MYO18B: variants seen among roughly 807,000 people sequenced by gnomAD.
The protein encoded by MYO18B is unconventional myosin-XVIIIb.
In MYO18B, 204 loss-of-function variants were observed where a neutral mutation model predicts 273.0. That is an observed-to-expected ratio of 0.75 (90% CI 0.67 to 0.84). The LOEUF is 0.84. MYO18B is among the 40% of genes least tolerant of loss of function. The pLI is 0.00. For missense variants in MYO18B, 3,212 were observed against 3,287.6 expected (o/e 0.98, Z 0.56); for synonymous variants, 1,330 against 1,305.7 (o/e 1.02, Z -0.40).
intron 17 of MYO18B, among the ~76,000 whole-genome samples, chr22:25,836,454 A>G (rs1434794140): frequency 6.6e-6 from 1 of 152,150 alleles, no homozygotes; most frequent in East Asian, 1.9e-4. Context: ...GGAGTGTTGC[A>G]TGTACTGCAC....
At chr22:25,880,999 C>T (rs1007181447) in intron 25 of MYO18B, among the ~76,000 whole-genome samples, 3 of 152,212 alleles carry the variant, frequency 2.0e-5, no homozygotes, top group Admixed American at 1.3e-4. Flanking sequence ...CACCCGAGAG[C>T]ACCTGGTGTT....
At chr22:25,986,156 C>T (rs896996923) in intron 39 of MYO18B, among the ~76,000 whole-genome samples, 2 of 152,180 alleles carry the variant, frequency 1.3e-5, no homozygotes, top group African/African-American at 4.8e-5. Context: ...AGCTCTAGAT[C>T]TTTTCTTGGT....
chr22:25,876,471 TC>T, intron 24 of MYO18B, 139 bp downstream of exon 24: 3 of 883,230 alleles, frequency 3.4e-6, no homozygotes, highest in Non-Finnish European at 4.9e-6. Context: ...TGATGCCCCT[TC>T]CAGATGTTCC....
At chr22:25,804,137 A>G (rs994572332) in intron 12 of MYO18B, among the ~76,000 whole-genome samples, 5 of 152,046 alleles carry the variant, frequency 3.3e-5, no homozygotes, top group African/African-American at 1.2e-4. Flanking sequence ...TGGTAAATCC[A>G]CTTTCTCTGC....
chr22:25,901,913 A>C (rs1040606846), intron 29 of MYO18B, among the ~76,000 whole-genome samples: 61 of 151,046 alleles, frequency 4.0e-4, no homozygotes, highest in African/African-American at 1.4e-3. Flanking sequence ...CCTGGGCTCA[A>C]GGGATCCTCC....
At chr22:25,776,974 C>A (rs1569002688) in intron 7 of MYO18B, among the ~76,000 whole-genome samples, 2 of 152,170 alleles carry the variant, frequency 1.3e-5, no homozygotes, top group Non-Finnish European at 2.9e-5. Context: ...TTGTAATAGG[C>A]ATTTAATGGT....
At chr22:26,008,404 G>A (rs2146935377) in intron 42 of MYO18B, among the ~76,000 whole-genome samples, 1 of 152,272 alleles carries the variant, frequency 6.6e-6, no homozygotes, top group Non-Finnish European at 1.5e-5. Context: ...CATATTACCT[G>A]GTGCATGGGA....
intron 25 of MYO18B, among the ~76,000 whole-genome samples, chr22:25,885,435 C>G (rs1431734625): frequency 6.6e-6 from 1 of 152,222 alleles, no homozygotes; most frequent in South Asian, 2.1e-4. Flanking sequence ...GAAGGATAAG[C>G]AGGAGCTGGC....
In MYO18B at chr22:25,908,313, C is replaced by T. The variant is rs369572285; in HGVS notation, c.5149-9C>T. ...TCACCCTCACGTGCTGTCCTTGCTGCCCCCGCAGCTCCGCCAGCGGTTTGA... is the reference window on the plus strand; with the variant it reads ...TCACCCTCACGTGCTGTCCTTGCTGTCCCCGCAGCTCCGCCAGCGGTTTGA... On this transcript the variant is annotated splice_polypyrimidine_tract_variant and intron_variant, in intron 31 of 43. Coordinates refer to ENST00000335473, the MANE Select transcript of MYO18B (RefSeq NM_032608.7). The T allele has an allele frequency of 8.3e-6, 13 of 1,565,970 alleles. No homozygotes were observed. The African/African-American group carries it at 1.6e-4, about 20-fold the overall frequency.
intron 12 of MYO18B, among the ~76,000 whole-genome samples, chr22:25,813,812 G>A (rs1278692390): frequency 6.6e-6 from 1 of 152,050 alleles, no homozygotes; most frequent in African/African-American, 2.4e-5. Flanking sequence ...TCCATCCTTG[G>A]ACCCAGTACC....
intron 40 of MYO18B, among the ~76,000 whole-genome samples, chr22:25,997,978 C>T (rs5997019): frequency 6.9e-6 from 1 of 144,548 alleles, no homozygotes; most frequent in Non-Finnish European, 1.5e-5. Context: ...CACACACACA[C>T]GAGAGAGAGA....
At chr22:25,986,585 C>T (rs2093204960) in intron 39 of MYO18B, among the ~76,000 whole-genome samples, 1 of 152,166 alleles carries the variant, frequency 6.6e-6, no homozygotes, top group Admixed American at 6.5e-5. Context: ...AATATATTCA[C>T]TTATTTAACA....
At chr22:26,019,141 A>C (rs897824936) in intron 42 of MYO18B, among the ~76,000 whole-genome samples, 4 of 152,156 alleles carry the variant, frequency 2.6e-5, no homozygotes, top group Non-Finnish European at 5.9e-5. Context: ...AGGGGAGGGC[A>C]GCCCATCTTC....
chr22:25,874,344 C>T lies in MYO18B; in HGVS notation c.4010C>T (p.Ser1337Phe). 1 of 1,613,992 alleles carries T rather than the reference C, an allele frequency of 6.2e-7. No individual in the cohort carries two copies. Among genetic ancestry groups the T allele is most frequent in the South Asian group, 1.1e-5 (1 of 91,076 alleles). The change falls in exon 23 of 44, where the codon TCT (serine) becomes TTT (phenylalanine). Residue 1337 changes from serine (S) to phenylalanine (F), a missense_variant. By Grantham distance (155) the Ser-to-Phe change is radical. Transcript: ENST00000335473. ...GAGAAGCAGCGAGAGAAGCTGGTAT[C>T]TCAGAGCATCGTTCTCTTCCAGGCG... Reference protein sequence around the residue: ...RLEKQREKLVSQSIVLFQAAC... With the variant: ...RLEKQREKLVFQSIVLFQAAC...
chr22:25,787,205 ACT>A (rs1048818505), intron 11 of MYO18B, among the ~76,000 whole-genome samples: 4 of 151,060 alleles, frequency 2.6e-5, no homozygotes, highest in African/African-American at 9.7e-5. Flanking sequence ...ACAGAGCGAG[ACT>A]CTGTCTCAGA....
At chr22:25,975,377 C>T (rs1261568837) in intron 39 of MYO18B, among the ~76,000 whole-genome samples, 1 of 152,140 alleles carries the variant, frequency 6.6e-6, no homozygotes, top group Non-Finnish European at 1.5e-5. Flanking sequence ...CTGTGAGCCC[C>T]GGCATCCTAA....
the MYO18B span, among the ~76,000 whole-genome samples, chr22:26,047,597 T>C: frequency 1.3e-5 from 2 of 152,154 alleles, no homozygotes; most frequent in African/African-American, 4.8e-5. Flanking sequence ...CATATTCAGC[T>C]ACTGAAAGTT....
chr22:26,045,951 G>C, the MYO18B span, among the ~76,000 whole-genome samples: 1 of 152,188 alleles, frequency 6.6e-6, no homozygotes, highest in Non-Finnish European at 1.5e-5. Context: ...AGTTAGTTGT[G>C]CTCTCAACTG....
chr22:26,057,109 C>T, the MYO18B span, among the ~76,000 whole-genome samples: 1 of 152,030 alleles, frequency 6.6e-6, no homozygotes, highest in Non-Finnish European at 1.5e-5. Context: ...CCCCTGGGTT[C>T]CCGGCCTTTT....
Sources: allele counts gnomAD v4.1 joint callset (sites outside exome capture counted in the v4.1 genomes callset), GRCh38; gene constraint gnomAD v4.1.1; transcripts MANE v1.5; gene names NCBI Gene and HGNC (gene_info 2026-07-23, HGNC 2026-07-21).